LOXL2: variants seen among roughly 807,000 people sequenced by gnomAD.
LOXL2 encodes the protein lysyl oxidase like 2.
Under a neutral mutation model 93.0 loss-of-function variants are expected in LOXL2, and 70 were observed. That is an observed-to-expected ratio of 0.75 (90% CI 0.62 to 0.92). The LOEUF is 0.92. LOXL2 is among the 40% of genes least tolerant of loss of function. The pLI, the probability that LOXL2 is intolerant of heterozygous loss-of-function variation, is 0.00. For missense variants in LOXL2, 973 were observed against 1,054.9 expected (o/e 0.92, Z 1.08); for synonymous variants, 438 against 413.2 (o/e 1.06, Z -0.73).
Position 23,343,235 on chromosome 8 carries a change from A to T in LOXL2, c.532-2032T>A, listed in dbSNP as rs571481251. Among the ~76,000 whole-genome samples the T allele has an allele frequency of 9.8e-5, 15 of 152,356 alleles. No individual in the cohort carries two copies. In the South Asian group the frequency reaches 3.1e-3, roughly 32 times the overall value. The stretch of plus-strand genomic sequence containing the variant: ...ATGAATTGCAGTATATAATAGCAAC[A>T]GCTACCGCAAAGCATGCACCAGGTA... On this transcript the variant is annotated intron_variant, in intron 3 of 13. Transcript: ENST00000389131.
At chr8:23,311,956 G>T (rs116429421) in intron 9 of LOXL2, among the ~76,000 whole-genome samples, 11,602 of 152,228 alleles carry the variant, frequency 0.076, 615 homozygotes, top group African/African-American at 0.15. Flanking sequence ...CACTAAGGAT[G>T]AGGCTAGGGC....
At chr8:23,306,544 G>A (rs1174038579) in intron 10 of LOXL2, among the ~76,000 whole-genome samples, 4 of 152,250 alleles carry the variant, frequency 2.6e-5, no homozygotes, top group Non-Finnish European at 5.9e-5. Flanking sequence ...GAGGGCCTCA[G>A]ATTGGCTCCC....
chr8:23,383,472 C>G (rs895553266), intron 1 of LOXL2, among the ~76,000 whole-genome samples: 1 of 152,104 alleles, frequency 6.6e-6, no homozygotes, highest in African/African-American at 2.4e-5. Context: ...AAATATTGGC[C>G]GAGTGAATAA....
intron 9 of LOXL2, among the ~76,000 whole-genome samples, chr8:23,310,649 G>C (rs1211753931): frequency 6.6e-6 from 1 of 152,154 alleles, no homozygotes; most frequent in African/African-American, 2.4e-5. Context: ...ATATATCTCT[G>C]TAAGTGAAAG....
At chr8:23,393,252 CA>C (rs1273003868) in intron 1 of LOXL2, among the ~76,000 whole-genome samples, 1 of 152,240 alleles carries the variant, frequency 6.6e-6, no homozygotes, top group African/African-American at 2.4e-5. Context: ...CCAGATTAGC[CA>C]AAACAATTCT....
At chr8:23,373,948 T>G (rs1192438343) in intron 1 of LOXL2, among the ~76,000 whole-genome samples, 1 of 152,124 alleles carries the variant, frequency 6.6e-6, no homozygotes, top group Non-Finnish European at 1.5e-5. Context: ...TATGTGGTCT[T>G]GCAACATTTC....
At chr8:23,350,735 G>A (rs553558686) in intron 3 of LOXL2, among the ~76,000 whole-genome samples, 1 of 152,246 alleles carries the variant, frequency 6.6e-6, no homozygotes, top group African/African-American at 2.4e-5. Flanking sequence ...AAAGGAAAGA[G>A]CCGGTAGTCT....
Position 23,368,412 on chromosome 8 carries a change from G to C in LOXL2, c.-61C>G. Reference sequence around the variant, plus strand: ...CTGCGCAGCTGGGAGGGACAGGCGGGGTACAGAAGCAGCAGGAGCTTTCTG... The same window carrying C: ...CTGCGCAGCTGGGAGGGACAGGCGGCGTACAGAAGCAGCAGGAGCTTTCTG... On this transcript the variant is annotated 5_prime_UTR_variant, in exon 2 of 14. Transcript: ENST00000389131. 6.9e-7 allele frequency: 1 copy of C among 1,445,426 alleles called. No individual in the cohort carries two copies. Among genetic ancestry groups the C allele is most frequent in the South Asian group, 1.1e-5 (1 of 87,410 alleles). 89.5% of individuals were successfully genotyped at this position (1,445,426 alleles called of 1,614,324 possible). A position where few individuals can be genotyped will look rare whatever the true frequency, so the allele number is the denominator to read the frequency against.
At chr8:23,390,159 G>T (rs970134944) in intron 1 of LOXL2, among the ~76,000 whole-genome samples, 12 of 152,256 alleles carry the variant, frequency 7.9e-5, no homozygotes, top group South Asian at 2.1e-4. Flanking sequence ...AGAGATGAAT[G>T]GTCCTCATTC....
rs763043399 is a variant in LOXL2 at position 23,340,976 on chromosome 8, G to A, written c.743+16C>T. 6.2e-7 allele frequency: 1 copy of A among 1,606,468 alleles called. No homozygotes were observed. The highest frequency in any genetic ancestry group is 1.1e-5 in the South Asian group (1 of 90,898). Reference sequence around the variant, plus strand: ...CGGATACCCTCAAAGCCACCCCTTTGGTGCAGTCCTCTTACTTGTACACTT... The same window carrying A: ...CGGATACCCTCAAAGCCACCCCTTTAGTGCAGTCCTCTTACTTGTACACTT... On this transcript the variant is annotated intron_variant, in intron 4 of 13. Coordinates refer to ENST00000389131, the MANE Select transcript of LOXL2 (RefSeq NM_002318.3).
intron 1 of LOXL2, chr8:23,385,669 A>G (rs1804748846): frequency 4.2e-6 from 2 of 480,752 alleles, no homozygotes; most frequent in Non-Finnish European, 7.5e-6. Flanking sequence ...TAAGACAGGT[A>G]TTTCATCCTC....
At chr8:23,304,849 G>T (rs779398032) in intron 10 of LOXL2, among the ~76,000 whole-genome samples, 1 of 152,154 alleles carries the variant, frequency 6.6e-6, no homozygotes. Flanking sequence ...TGCTGTGTAC[G>T]GGCAGTGGGG....
At chr8:23,338,577 G>T (rs981162971) in intron 4 of LOXL2, among the ~76,000 whole-genome samples, 3 of 152,244 alleles carry the variant, frequency 2.0e-5, no homozygotes, top group Admixed American at 2.0e-4. Context: ...GGGCAGTGCT[G>T]CATGGCGGGA....
intron 3 of LOXL2, among the ~76,000 whole-genome samples, chr8:23,356,754 AGTGT>A (rs1191681933): frequency 1.3e-5 from 2 of 152,148 alleles, no homozygotes; most frequent in African/African-American, 4.8e-5. Context: ...GAAAATGCAG[AGTGT>A]GTAAGGCTGT....
At chr8:23,358,627 C>G (rs974209149) in intron 3 of LOXL2, among the ~76,000 whole-genome samples, 3 of 152,176 alleles carry the variant, frequency 2.0e-5, no homozygotes, top group Non-Finnish European at 4.4e-5. Flanking sequence ...ACATATGTTG[C>G]ACATAAGAGT....
At chr8:23,324,858 G>T (rs1015105024) in intron 6 of LOXL2, among the ~76,000 whole-genome samples, 1 of 152,206 alleles carries the variant, frequency 6.6e-6, no homozygotes, top group African/African-American at 2.4e-5. Flanking sequence ...CATGTCACGG[G>T]TTCTGCATAT....
At chr8:23,302,270 TC>T in intron 11 of LOXL2, 107 bp from the exon 12 acceptor site, 1 of 1,386,132 alleles carries the variant, frequency 7.2e-7, no homozygotes, top group Non-Finnish European at 1.0e-6. Flanking sequence ...GGGCTCGGCA[TC>T]CCACCCCACT....
chr8:23,324,558 G>A (rs1307247163), intron 6 of LOXL2, among the ~76,000 whole-genome samples: 1 of 152,170 alleles, frequency 6.6e-6, no homozygotes, highest in Non-Finnish European at 1.5e-5. Context: ...TTGGCATTCT[G>A]CATCCTTGAC....
chr8:23,368,487 A>G (rs1804449180), intron 1 of LOXL2, 53 bp from the exon 2 acceptor site: 1 of 704,384 alleles, frequency 1.4e-6, no homozygotes, highest in East Asian at 2.7e-5. Flanking sequence ...ACGGAGACCT[A>G]CATAGAGAAC....
Sources: allele counts gnomAD v4.1 joint callset (sites outside exome capture counted in the v4.1 genomes callset), GRCh38; gene constraint gnomAD v4.1.1; transcripts MANE v1.5; gene names NCBI Gene and HGNC (gene_info 2026-07-23, HGNC 2026-07-21).